Variants in SHISA7 observed in about 807,000 individuals in gnomAD.
SHISA7 encodes shisa family member 7, also known as protein shisa-7.
In SHISA7, 6 loss-of-function variants were observed where a neutral mutation model predicts 23.9. That is an observed-to-expected ratio of 0.25 (90% CI 0.14 to 0.50). The LOEUF is 0.50. SHISA7 is among the 20% of genes least tolerant of loss of function. The pLI is 0.98. For missense variants in SHISA7, 671 were observed against 801.1 expected, an observed-to-expected ratio of 0.84 and a Z score of 1.96; for synonymous variants, 386 against 398.3, an observed-to-expected ratio of 0.97 and a Z score of 0.37.
Position 55,441,791 on chromosome 19 carries a change from A to G in SHISA7, c.671+402T>C, listed in dbSNP as rs562256796. 7.9e-5 allele frequency among the ~76,000 whole-genome samples: 12 copies of G among 152,344 alleles called. No individual in the cohort carries two copies. In the South Asian group the frequency reaches 2.5e-3, roughly 32 times the overall value. On this transcript the variant is annotated intron_variant, in intron 1 of 3. Coordinates refer to ENST00000376325, the MANE Select transcript of SHISA7 (RefSeq NM_001145176.2). ...GACGATGATTAGTCTCATTGTGCGG[A>G]CAGGAAACTGAGGAACAGAGACGTT...
At chr19:55,438,466 C>A in intron 2 of SHISA7, 3 of 1,142,520 alleles carry the variant, frequency 2.6e-6, no homozygotes, top group Non-Finnish European at 1.2e-6. Context: ...GGGTCTCACT[C>A]CTGCTCTATA....
In SHISA7 at chr19:55,442,414, A is replaced by AGCGCCCCCG. The variant is rs993854760; in HGVS notation, c.441_449dup (p.Ala153_Gly155dup). The AGCGCCCCCG allele has an allele frequency of 3.1e-5, 43 of 1,395,406 alleles. No individual in the cohort carries two copies. Among genetic ancestry groups the AGCGCCCCCG allele is most frequent in the Non-Finnish European group, 4.0e-5 (43 of 1,072,882 alleles). The allele number at this position is 1,395,406 out of a possible 1,614,324, so 86.4% of individuals were successfully genotyped here. On this transcript the variant is annotated inframe_insertion, in exon 1 of 4. Coordinates refer to ENST00000376325, the MANE Select transcript of SHISA7 (RefSeq NM_001145176.2). ...GCCCTGGCCCCCCGCCCGCACCCCCAGCGCCCCCGGCGCCCCCAGCTAGCG... is the reference window on the plus strand; with the variant it reads ...GCCCTGGCCCCCCGCCCGCACCCCCAGCGCCCCCGGCGCCCCCGGCGCCCCCAGCTAGCG...
chr19:55,433,453 G>T lies in SHISA7; in HGVS notation c.1320C>A (p.Asp440Glu), dbSNP rs1187074565. ...SPPRSPALPP[D>E]PTARASLAAS... ...CGGCCAGGCTGGCCCGGGCGGTGGG[G>T]TCGGGGGGCAGCGCGGGGCTGCGCG... Residue 440 changes from aspartate to glutamate, a missense_variant, in exon 4 of 4, where the codon GAC becomes GAA. Around this residue, in one of 5 missense-constraint regions of SHISA7, gnomAD observed 457 missense variants for 488.3 expected, o/e 0.94. Transcript: ENST00000376325. The surrounding 1 kb of genome is among the most constrained non-coding windows in gnomAD (Gnocchi z 8.4). The T allele has an allele frequency of 1.7e-5, 23 of 1,358,796 alleles. No homozygotes were observed. The highest frequency in any genetic ancestry group is 1.9e-5 in the Non-Finnish European group (20 of 1,063,356). 84.2% of individuals were successfully genotyped at this position (1,358,796 alleles called of 1,614,324 possible). A position where few individuals can be genotyped will look rare whatever the true frequency, so the allele number is the denominator to read the frequency against.
intron 1 of SHISA7, among the ~76,000 whole-genome samples, chr19:55,441,073 G>C (rs987803645): frequency 3.3e-5 from 5 of 152,092 alleles, no homozygotes; most frequent in African/African-American, 1.2e-4. Context: ...TCCTTTTGCA[G>C]CCTTCCCCAT....
chr19:55,442,948 TC>T lies in SHISA7; in HGVS notation c.-86del. 1.3e-6 allele frequency: 1 copy of T among 763,556 alleles called. No homozygotes were observed. Among genetic ancestry groups the T allele is most frequent in the Non-Finnish European group, 1.6e-6 (1 of 638,688 alleles). 47.3% of individuals were successfully genotyped at this position (763,556 alleles called of 1,614,324 possible). A position where few individuals can be genotyped will look rare whatever the true frequency, so the allele number is the denominator to read the frequency against. ...GGAGCGCTGGGCGGGAGAGAAACGGTCAGAGGGTGAGAAACGTAGAGATGGG... is the reference window on the plus strand; with the variant it reads ...GGAGCGCTGGGCGGGAGAGAAACGGTAGAGGGTGAGAAACGTAGAGATGGG... On this transcript the variant is annotated 5_prime_UTR_variant, in exon 1 of 4. Transcript: ENST00000376325.
rs1306677387 is a variant in SHISA7 at position 55,442,175 on chromosome 19, G to T, written c.671+18C>A. 2.0e-6 allele frequency: 3 copies of T among 1,526,646 alleles called. No individual in the cohort carries two copies. In the South Asian group the frequency reaches 3.6e-5, roughly 18 times the overall value. 94.6% of individuals were successfully genotyped at this position (1,526,646 alleles called of 1,614,324 possible). On this transcript the variant is annotated intron_variant, in intron 1 of 3. Transcript: ENST00000376325. ...CCCGCCCCAGGCTCGCAGTCCTCCC[G>T]CCCGAGAGCACACGCACCTGGGCAC...
chr19:55,429,061 G>C lies in SHISA7; in HGVS notation c.*4095C>G, dbSNP rs1034277315. 6.6e-6 allele frequency: 1 copy of C among 152,384 alleles called. No individual in the cohort carries two copies. The highest frequency in any genetic ancestry group is 2.4e-5 in the African/African-American group (1 of 41,444). The allele number at this position is 152,384 out of a possible 1,614,324, so 9.4% of individuals were successfully genotyped here. ...ATGACGAGGTCCCAGCTCAAGACATGTGGAGGGGAATTGTCAGTACACACC... is the reference window on the plus strand; with the variant it reads ...ATGACGAGGTCCCAGCTCAAGACATCTGGAGGGGAATTGTCAGTACACACC... On this transcript the variant is annotated 3_prime_UTR_variant, in exon 4 of 4. Transcript: ENST00000376325.
rs1985622132 is a variant in SHISA7 at position 55,442,579 on chromosome 19, G to C, written c.285C>G (p.Thr95=). ...GGTAGGAGCCGGTGCTGCAGTTGAA[G>C]GTGGCGTCGTACTGGCCCATGACAT... is the stretch of plus-strand genomic sequence containing the variant. ...YYDVMGQYDA[T]FNCSTGSYRF... is the part of the protein sequence containing the mutation. Residue 95 remains threonine (T), a synonymous_variant, in exon 1 of 4, where the codon ACC becomes ACG. Transcript: ENST00000376325. 10 of 1,473,274 alleles carry C rather than the reference G, an allele frequency of 6.8e-6. No homozygotes were observed. The highest frequency in any genetic ancestry group is 9.0e-6 in the Non-Finnish European group (10 of 1,105,944). 91.3% of individuals were successfully genotyped at this position (1,473,274 alleles called of 1,614,324 possible). A position where few individuals can be genotyped will look rare whatever the true frequency, so the allele number is the denominator to read the frequency against.
intron 2 of SHISA7, among the ~76,000 whole-genome samples, chr19:55,438,270 C>G (rs768422138): frequency 3.9e-5 from 6 of 152,240 alleles, no homozygotes; most frequent in Admixed American, 2.6e-4. Context: ...AGGAGACGGG[C>G]TTGATGCTGG....
rs146992635 is a variant in SHISA7, at chr19:55,429,461, CTG to C, written c.*3693_*3694del. ...AGCTAGAAGCCGTGGGGTTGAAAAA[CTG>C]GCACCAGGGCCCAGGTGGATTTGGG... On this transcript the variant is annotated 3_prime_UTR_variant, in exon 4 of 4. Coordinates refer to ENST00000376325, the MANE Select transcript of SHISA7 (RefSeq NM_001145176.2). 0.018 allele frequency: 2,692 copies of C among 152,580 alleles called. 33 individuals are homozygous for C. The highest frequency in any genetic ancestry group is 0.024 in the South Asian group (118 of 4,820). 9.5% of individuals were successfully genotyped at this position (152,580 alleles called of 1,614,324 possible).
rs4801608 is a variant in SHISA7, at chr19:55,430,141, A to G, written c.*3015T>C. ...GGTGAGGGACAGCGCTGCTGTCAGG[A>G]GGGGCCTGGGTGCCTCACCGGGGGG... On this transcript the variant is annotated 3_prime_UTR_variant, in exon 4 of 4. Coordinates refer to ENST00000376325, the MANE Select transcript of SHISA7 (RefSeq NM_001145176.2). 57,035 of 151,970 alleles carry G rather than the reference A, an allele frequency of 0.38. 11,725 individuals are homozygous for G. The highest frequency in any genetic ancestry group is 0.79 in the East Asian group (4,064 of 5,150). 9.4% of individuals were successfully genotyped at this position (151,970 alleles called of 1,614,324 possible).
rs1476639338 is a variant in SHISA7 at position 55,433,103 on chromosome 19, A to G, written c.*53T>C. 2 of 1,481,428 alleles carry G rather than the reference A, an allele frequency of 1.4e-6. No individual in the cohort carries two copies. The highest frequency in any genetic ancestry group is 1.8e-6 in the Non-Finnish European group (2 of 1,123,148). 91.8% of individuals were successfully genotyped at this position (1,481,428 alleles called of 1,614,324 possible). ...TGTGTGCGCCTGTGTCGGGGGATCC[A>G]GGCTGGGACGGGGGGCCCGGGAGGC... On this transcript the variant is annotated 3_prime_UTR_variant, in exon 4 of 4. Coordinates refer to ENST00000376325, the MANE Select transcript of SHISA7 (RefSeq NM_001145176.2). The surrounding 1 kb of genome is among the most constrained non-coding windows in gnomAD (Gnocchi z 8.4).
chr19:55,437,518 C>T, intron 3 of SHISA7, 87 bp downstream of exon 3: 1 of 1,440,454 alleles, frequency 6.9e-7, no homozygotes, highest in South Asian at 1.4e-5. Flanking sequence ...CATTGGAAGG[C>T]TCTTGGGCCA....
At chr19:55,434,815 GTGTGTA>G (rs1488266213) in intron 3 of SHISA7, among the ~76,000 whole-genome samples, 1 of 84,644 alleles carries the variant, frequency 1.2e-5, no homozygotes. Context: ...TGTGTGCATG[GTGTGTA>G]TGTGTGTGTG....
In SHISA7 at chr19:55,428,909, A is replaced by G. The variant is rs1454018936; in HGVS notation, c.*4247T>C. 1 of 152,318 alleles carries G rather than the reference A, an allele frequency of 6.6e-6. No individual in the cohort carries two copies. Among genetic ancestry groups the G allele is most frequent in the African/African-American group, 2.4e-5 (1 of 41,390 alleles). The allele number at this position is 152,318 out of a possible 1,614,324, so 9.4% of individuals were successfully genotyped here. On this transcript the variant is annotated 3_prime_UTR_variant, in exon 4 of 4. Coordinates refer to ENST00000376325, the MANE Select transcript of SHISA7 (RefSeq NM_001145176.2). ...AGGGTCTTCAGGTGTGGAACTATTTATCTTCTCCCTGTGAAGTGCCCCCTC... is the reference window on the plus strand; with the variant it reads ...AGGGTCTTCAGGTGTGGAACTATTTGTCTTCTCCCTGTGAAGTGCCCCCTC...
chr19:55,433,714 C>A lies in SHISA7; in HGVS notation c.1059G>T (p.Arg353=). The change falls in exon 4 of 4, where the codon CGG becomes CGT. Residue 353 remains arginine (R), a synonymous_variant. Transcript: ENST00000376325. This position sits in a 1 kb window ranked among gnomAD's most constrained non-coding sequence, Gnocchi z 8.4. ...GATAGCCGCCCCCCGTGCCCGGCCG[C>A]CGCAGCGCGTGCAGGGGCAGCGTGC... ...PRGTLPLHAL[R]RPGTGGGYRM... 6.8e-7 allele frequency: 1 copy of A among 1,477,498 alleles called. No individual in the cohort carries two copies. The highest frequency in any genetic ancestry group is 8.9e-7 in the Non-Finnish European group (1 of 1,122,182). 91.5% of individuals were successfully genotyped at this position (1,477,498 alleles called of 1,614,324 possible).
chr19:55,433,241 C>T lies in SHISA7; in HGVS notation c.1532G>A (p.Gly511Asp). Residue 511 changes from glycine (G) to aspartate (D), a missense_variant, in exon 4 of 4, where the codon GGC becomes GAC. By Grantham distance (94) the Gly-to-Asp change is moderately conservative. Around this residue, in one of 5 missense-constraint regions of SHISA7, gnomAD observed 457 missense variants for 488.3 expected, o/e 0.94. Coordinates refer to ENST00000376325, the MANE Select transcript of SHISA7 (RefSeq NM_001145176.2). This position sits in a 1 kb window ranked among gnomAD's most constrained non-coding sequence, Gnocchi z 8.4. ...LARRPPFQRQ[G>D]TLEQLQFIPG... Reference sequence around the variant, plus strand: ...GATGAACTGCAGCTGCTCCAGCGTGCCCTGGCGCTGGAAGGGCGGCCTGCG... The same window carrying T: ...GATGAACTGCAGCTGCTCCAGCGTGTCCTGGCGCTGGAAGGGCGGCCTGCG... The T allele has an allele frequency of 6.6e-7, 1 of 1,523,308 alleles. No individual in the cohort carries two copies. The highest frequency in any genetic ancestry group is 8.8e-7 in the Non-Finnish European group (1 of 1,141,534). The allele number at this position is 1,523,308 out of a possible 1,614,324, so 94.4% of individuals were successfully genotyped here.
In SHISA7 at chr19:55,433,353, G is replaced by A; in HGVS notation, c.1420C>T (p.Leu474=). 2 of 1,364,916 alleles carry A rather than the reference G, an allele frequency of 1.5e-6. No individual in the cohort carries two copies. The highest frequency in any genetic ancestry group is 1.9e-6 in the Non-Finnish European group (2 of 1,069,164). 84.6% of individuals were successfully genotyped at this position (1,364,916 alleles called of 1,614,324 possible). A position where few individuals can be genotyped will look rare whatever the true frequency, so the allele number is the denominator to read the frequency against. Residue 474 remains leucine, a synonymous_variant, in exon 4 of 4, where the codon CTG becomes TTG. Transcript: ENST00000376325. This position sits in a 1 kb window ranked among gnomAD's most constrained non-coding sequence, Gnocchi z 8.4. ...AGGGCGTGGTGGTGGTGGGCGTGCAGGCTGGACGGTGGCGGCAGCCCGCGC... is the reference window on the plus strand; with the variant it reads ...AGGGCGTGGTGGTGGTGGGCGTGCAAGCTGGACGGTGGCGGCAGCCCGCGC... ...PLRGLPPPSS[L]HAHHHHALHG... is the part of the protein sequence containing the mutation.
Position 55,433,117 on chromosome 19 carries a change from G to T in SHISA7, c.*39C>A, listed in dbSNP as rs1257229759. On this transcript the variant is annotated 3_prime_UTR_variant, in exon 4 of 4. Transcript: ENST00000376325. This position sits in a 1 kb window ranked among gnomAD's most constrained non-coding sequence, Gnocchi z 8.4. ...TCGGGGGATCCAGGCTGGGACGGGG[G>T]GCCCGGGAGGCCGCAGCCCCCCAGA... 2.0e-6 allele frequency: 3 copies of T among 1,494,448 alleles called. No individual in the cohort carries two copies. The highest frequency in any genetic ancestry group is 2.7e-6 in the Non-Finnish European group (3 of 1,128,442). The allele number at this position is 1,494,448 out of a possible 1,614,324, so 92.6% of individuals were successfully genotyped here. A position where few individuals can be genotyped will look rare whatever the true frequency, so the allele number is the denominator to read the frequency against.
Sources: gnomAD v4.1 joint callset for allele counts (sites outside exome capture counted in the v4.1 genomes callset) on GRCh38, gnomAD v4.1.1 for gene constraint, gnomAD v4.1.1 regional missense constraint, Gnocchi (gnomAD v3.1) non-coding constraint, MANE v1.5 for transcripts, NCBI Gene and HGNC (gene_info 2026-07-23, HGNC 2026-07-21) for gene names.